NHSL1: variants seen among roughly 807,000 people sequenced by gnomAD.
The protein encoded by NHSL1 is NHS like 1, also known as NHS-like protein 1.
Under a neutral mutation model 95.0 loss-of-function variants are expected in NHSL1, and 48 were observed. That is an observed-to-expected ratio of 0.51 (90% CI 0.40 to 0.64). The LOEUF (loss-of-function observed/expected upper bound fraction) is 0.64. Among genes scored for constraint, NHSL1 ranks in the 30% least tolerant of loss-of-function variants. The pLI, the probability that NHSL1 is intolerant of heterozygous loss-of-function variation, is 0.00. For missense variants in NHSL1, 1,971 were observed against 2,077.7 expected (o/e 0.95, Z 1.00); for synonymous variants, 783 against 833.9 (o/e 0.94, Z 1.05).
In NHSL1 at chr6:138,473,378, T is replaced by A; in HGVS notation, c.267A>T (p.Gly89=). The change falls in exon 3 of 8, where the codon GGA becomes GGT. Residue 89 remains glycine (G), a synonymous_variant. Transcript: ENST00000343505. The part of the protein sequence containing the change: ...GYRSSQYYSQ[G]PTFAANASPF... ...GGCTGGCGTTGGCCGCAAAGGTGGG[T>A]CCCTGAGAGTAGTACTGAGAACTGC... is the stretch of plus-strand genomic sequence containing the variant. The A allele has an allele frequency of 1.3e-6, 2 of 1,548,706 alleles. No individual in the cohort carries two copies. The highest frequency in any genetic ancestry group is 1.4e-5 in the African/African-American group (1 of 73,062).
intron 1 of NHSL1, among the ~76,000 whole-genome samples, chr6:138,605,347 T>C (rs1369974403): frequency 6.6e-6 from 1 of 152,126 alleles, no homozygotes; most frequent in East Asian, 1.9e-4. Flanking sequence ...CACCTCAGCC[T>C]CCCGGGTGGC....
intron 1 of NHSL1, among the ~76,000 whole-genome samples, chr6:138,653,779 A>G (rs1177682926): frequency 6.6e-6 from 1 of 152,240 alleles, no homozygotes; most frequent in Non-Finnish European, 1.5e-5. Flanking sequence ...ATATATGCAT[A>G]TATATGTACA....
chr6:138,575,697 T>C (rs528263220), upstream of NHSL1, among the ~76,000 whole-genome samples: 3 of 152,346 alleles, frequency 2.0e-5, no homozygotes, highest in East Asian at 3.9e-4. Flanking sequence ...AGGTAATAAT[T>C]AGATCTTAAC....
chr6:138,541,610 C>CT (rs111707563), intron 1 of NHSL1, among the ~76,000 whole-genome samples: 9,328 of 152,206 alleles, frequency 0.061, 919 homozygotes, highest in African/African-American at 0.21. Context: ...ATCCAACAGA[C>CT]TGAGCTATCT....
chr6:138,676,257 C>G (rs149595694), intron 1 of NHSL1, among the ~76,000 whole-genome samples: 1 of 152,032 alleles, frequency 6.6e-6, no homozygotes, highest in Admixed American at 6.6e-5. Flanking sequence ...CTCAAAATAA[C>G]CCAATTAACA....
chr6:138,686,046 T>G (rs977147229), intron 1 of NHSL1, among the ~76,000 whole-genome samples: 3 of 152,118 alleles, frequency 2.0e-5, no homozygotes, highest in Admixed American at 6.6e-5. Flanking sequence ...ATTGGAGAGA[T>G]ATTGGTCAAA....
At chr6:138,590,060 C>T (rs1019905711) in intron 1 of NHSL1, among the ~76,000 whole-genome samples, 10 of 152,276 alleles carry the variant, frequency 6.6e-5, no homozygotes, top group East Asian at 1.9e-4. Flanking sequence ...TCCAGCAGTG[C>T]GATCTCGGCT....
upstream of NHSL1, among the ~76,000 whole-genome samples, chr6:138,547,754 T>C (rs940800191): frequency 3.9e-5 from 6 of 152,262 alleles, no homozygotes; most frequent in East Asian, 3.9e-4. Context: ...CATGAGGTGA[T>C]TGATTCACCT....
In NHSL1 at chr6:138,432,371, G is replaced by A. The variant is rs1329190648; in HGVS notation, c.1974C>T (p.Ser658=). The A allele has an allele frequency of 6.4e-7, 1 of 1,551,866 alleles. No individual in the cohort carries two copies. Among genetic ancestry groups the A allele is most frequent in the Non-Finnish European group, 8.7e-7 (1 of 1,147,016 alleles). Residue 658 remains serine (S), a synonymous_variant, in exon 6 of 8, where the codon TCC becomes TCT. Coordinates refer to ENST00000343505, the MANE Select transcript of NHSL1 (RefSeq NM_001144060.2). This position sits in a 1 kb window ranked among gnomAD's most constrained non-coding sequence, Gnocchi z 4.4. ...TCTTCAAAGAGATGTTTCTTGATAGGGATTTATCCTGGTAATTGGACCGGT... is the reference window on the plus strand; with the variant it reads ...TCTTCAAAGAGATGTTTCTTGATAGAGATTTATCCTGGTAATTGGACCGGT... ...QGDRSNYQDK[S]LSRNISLKKA... is the part of the protein sequence containing the mutation.
At chr6:138,618,125 C>T (rs1583451797) in intron 1 of NHSL1, among the ~76,000 whole-genome samples, 1 of 152,146 alleles carries the variant, frequency 6.6e-6, no homozygotes, top group African/African-American at 2.4e-5. Context: ...CAGAGACCTT[C>T]CTGCAGGGAA....
chr6:138,558,701 G>A (rs1009228627), intron 1 of NHSL1, among the ~76,000 whole-genome samples: 13 of 152,072 alleles, frequency 8.5e-5, no homozygotes, highest in South Asian at 2.1e-4. Context: ...TTACAGGCAC[G>A]AGCTACAGTG....
intron 3 of NHSL1, among the ~76,000 whole-genome samples, chr6:138,460,395 G>C (rs13219485): frequency 0.055 from 8,412 of 152,050 alleles, 634 homozygotes; most frequent in East Asian, 0.29. Context: ...CTGTATCTGT[G>C]CATTAAACCA....
chr6:138,543,616 T>C (rs983140196), intron 1 of NHSL1, among the ~76,000 whole-genome samples: 4 of 152,230 alleles, frequency 2.6e-5, no homozygotes, highest in South Asian at 4.1e-4. Flanking sequence ...CAACCACATA[T>C]GCAATAGCCC....
At chr6:138,621,936 A>C (rs1208780647) in intron 1 of NHSL1, among the ~76,000 whole-genome samples, 1 of 152,210 alleles carries the variant, frequency 6.6e-6, no homozygotes, top group East Asian at 1.9e-4. Context: ...GAAATGTGTC[A>C]GCTTGAGTGC....
intron 1 of NHSL1, among the ~76,000 whole-genome samples, chr6:138,505,790 G>T (rs752899558): frequency 3.3e-5 from 5 of 152,062 alleles, no homozygotes; most frequent in Non-Finnish European, 5.9e-5. Context: ...TTAAATGACC[G>T]TTTGAAATGC....
intron 2 of NHSL1, among the ~76,000 whole-genome samples, chr6:138,475,241 A>T (rs1183755851): frequency 1.3e-5 from 2 of 150,182 alleles, no homozygotes; most frequent in Non-Finnish European, 3.0e-5. Context: ...TTTTTTTGAG[A>T]CAGGGTCTTA....
chr6:138,534,515 T>C (rs947097688), intron 1 of NHSL1, among the ~76,000 whole-genome samples: 8 of 152,184 alleles, frequency 5.3e-5, no homozygotes, highest in African/African-American at 1.9e-4. Context: ...ATAGAATTCA[T>C]CACACATCAA....
chr6:138,626,668 C>T lies in NHSL1; in HGVS notation c.96+65808G>A, dbSNP rs964864995. Reference sequence around the variant, plus strand: ...CAGCACTTTGGGAGGCCGAGGCGGGCGGATCACGAGGTCAGGAGATCGAGA... The same window carrying T: ...CAGCACTTTGGGAGGCCGAGGCGGGTGGATCACGAGGTCAGGAGATCGAGA... On this transcript the variant is annotated intron_variant, in intron 1 of 3. Coordinates refer to the NHSL1 transcript ENST00000491526. 1.5e-4 allele frequency among the ~76,000 whole-genome samples: 20 copies of T among 129,828 alleles called. 3 individuals are homozygous for T. The highest frequency in any genetic ancestry group is 1.3e-4 in the Non-Finnish European group (8 of 62,320). 85.2% of individuals were successfully genotyped at this position (129,828 alleles called of 152,430 possible).
intron 1 of NHSL1, among the ~76,000 whole-genome samples, chr6:138,596,956 T>C (rs7757410): frequency 0.085 from 12,872 of 151,940 alleles, 650 homozygotes; most frequent in African/African-American, 0.15. Flanking sequence ...ACCAGGAGAT[T>C]GAGATCAGCC....
Sources: gnomAD v4.1 joint callset for allele counts (sites outside exome capture counted in the v4.1 genomes callset) on GRCh38, gnomAD v4.1.1 for gene constraint, Gnocchi (gnomAD v3.1) non-coding constraint, MANE v1.5 for transcripts, NCBI Gene and HGNC (gene_info 2026-07-23, HGNC 2026-07-21) for gene names.